The following OCA2 variants were observed in gnomAD, a reference collection of about 807,000 sequenced individuals.
The protein encoded by OCA2 is P protein.
A neutral mutation model predicts 100.2 loss-of-function variants in OCA2; 77 were observed. That is an observed-to-expected ratio of 0.77 (90% CI 0.64 to 0.93). OCA2 has a LOEUF of 0.93. OCA2 is among the 40% of genes least tolerant of loss of function. The pLI, the probability that OCA2 is intolerant of heterozygous loss-of-function variation, is 0.00. For missense variants in OCA2, 1,062 were observed against 1,089.1 expected (o/e 0.98, Z 0.35); for synonymous variants, 432 against 439.2 (o/e 0.98, Z 0.21).
intron 2 of OCA2, among the ~76,000 whole-genome samples, chr15:28,062,514 G>C (rs930192857): frequency 6.6e-6 from 1 of 152,138 alleles, no homozygotes; most frequent in Non-Finnish European, 1.5e-5. Context: ...TCTGTTGCTT[G>C]TCTTTCCACT....
the OCA2 span, among the ~76,000 whole-genome samples, chr15:27,722,223 T>C: frequency 6.6e-6 from 1 of 152,262 alleles, no homozygotes; most frequent in Admixed American, 6.5e-5. Flanking sequence ...TCGTGTATTC[T>C]ATTTTTCTGT....
chr15:27,932,396 A>T (rs2039284485), intron 18 of OCA2, among the ~76,000 whole-genome samples: 1 of 151,744 alleles, frequency 6.6e-6, no homozygotes, highest in South Asian at 2.1e-4. Context: ...GTAATGCGCC[A>T]CCTGAGGAAT....
At chr15:28,008,730 G>C (rs542462261) in intron 9 of OCA2, among the ~76,000 whole-genome samples, 2 of 152,090 alleles carry the variant, frequency 1.3e-5, no homozygotes, top group South Asian at 4.1e-4. Context: ...ATTTCTTTTC[G>C]GCACCAAAAA....
rs2030703130 is a variant in OCA2, at chr15:27,759,999, A to T, written c.2433-4527T>A. On this transcript the variant is annotated intron_variant, in intron 23 of 23. Transcript: ENST00000354638. ...GTTTAAAAGAATTAAAATTATACAG[A>T]GGGTTTTTTTTCTTACCATAAGCAA... Among the ~76,000 whole-genome samples, 3 of 152,126 alleles carry T rather than the reference A, an allele frequency of 2.0e-5. 1 individual carries two copies. The South Asian group carries it at 6.2e-4, about 31-fold the overall frequency.
intron 23 of OCA2, among the ~76,000 whole-genome samples, chr15:27,811,127 T>C (rs2034058816): frequency 6.6e-6 from 1 of 152,110 alleles, no homozygotes; most frequent in African/African-American, 2.4e-5. Context: ...CCTAAGTGCC[T>C]ACTGACCACT....
At chr15:27,843,910 A>G (rs1448864972) in intron 23 of OCA2, among the ~76,000 whole-genome samples, 1 of 152,144 alleles carries the variant, frequency 6.6e-6, no homozygotes, top group African/African-American at 2.4e-5. Context: ...CTGCCACTCA[A>G]CCAAAGTTGA....
chr15:28,094,675 T>C (rs900483063), intron 1 of OCA2, among the ~76,000 whole-genome samples: 2 of 152,216 alleles, frequency 1.3e-5, no homozygotes, highest in African/African-American at 4.8e-5. Flanking sequence ...CTGCGCTCTT[T>C]CTGCCTGCAA....
chr15:28,003,340 G>A (rs749642404), intron 9 of OCA2, among the ~76,000 whole-genome samples: 24 of 152,204 alleles, frequency 1.6e-4, no homozygotes, highest in Non-Finnish European at 2.9e-4. Context: ...AGCTGCTTTC[G>A]CGTGACTGTA....
At position 28,014,902 on chromosome 15, in the gene OCA2, G is replaced by A. The variant is rs1359338165; in HGVS notation, c.918C>T (p.Ala306=). ...GGACAGCCTGGGTCTGCTGCAGGGA[G>A]GCCCGGATGCTGATGGACACCGTCT... ...TRETVSISIR[A]SLQQTQAVPL... is the part of the protein sequence containing the mutation. The change falls in exon 9 of 24, where the codon GCC becomes GCT. Residue 306 remains alanine, a synonymous_variant. Transcript: ENST00000354638. 1 of 1,614,166 alleles carries A rather than the reference G, an allele frequency of 6.2e-7. No homozygotes were observed. The highest frequency in any genetic ancestry group is 1.7e-5 in the Admixed American group (1 of 60,024).
chr15:27,802,896 A>G (rs1041817926), intron 23 of OCA2, among the ~76,000 whole-genome samples: 1 of 152,176 alleles, frequency 6.6e-6, no homozygotes, highest in African/African-American at 2.4e-5. Context: ...TACATGAAAA[A>G]CAAGTGGATT....
chr15:27,981,327 G>A (rs776384836), intron 14 of OCA2, among the ~76,000 whole-genome samples: 10 of 152,102 alleles, frequency 6.6e-5, no homozygotes, highest in African/African-American at 9.7e-5. Context: ...TTGTATCATC[G>A]CTGTCATAGG....
intron 2 of OCA2, among the ~76,000 whole-genome samples, chr15:28,049,416 G>T (rs2043441235): frequency 6.6e-6 from 1 of 152,104 alleles, no homozygotes; most frequent in South Asian, 2.1e-4. Context: ...AGTTTTGCAG[G>T]TTCTCACAAA....
At chr15:27,889,498 C>T (rs767356485) in intron 19 of OCA2, among the ~76,000 whole-genome samples, 1 of 152,154 alleles carries the variant, frequency 6.6e-6, no homozygotes, top group Non-Finnish European at 1.5e-5. Flanking sequence ...GGCAGCCGGG[C>T]AGGTGCTGAC....
intron 2 of OCA2, among the ~76,000 whole-genome samples, chr15:28,076,234 C>G (rs2044422287): frequency 6.6e-6 from 1 of 152,202 alleles, no homozygotes; most frequent in African/African-American, 2.4e-5. Flanking sequence ...TGTGTTCTCC[C>G]TTCGACCTCC....
chr15:27,831,661 G>T, intron 23 of OCA2, among the ~76,000 whole-genome samples: 1 of 152,192 alleles, frequency 6.6e-6, no homozygotes, highest in East Asian at 1.9e-4. Flanking sequence ...GCGTGTCTGG[G>T]TCTGTCTCCG....
At chr15:27,771,087 T>A in intron 23 of OCA2, among the ~76,000 whole-genome samples, 1 of 76,876 alleles carries the variant, frequency 1.3e-5, no homozygotes, top group South Asian at 3.3e-4. Flanking sequence ...TCCCTCCCTC[T>A]TTTCTCCCTC....
At position 27,950,999 on chromosome 15, in the gene OCA2, C is replaced by T. The variant is rs76930569; in HGVS notation, c.1951+785G>A. On this transcript the variant is annotated intron_variant, in intron 18 of 23. Coordinates refer to ENST00000354638, the MANE Select transcript of OCA2 (RefSeq NM_000275.3). ...ACTGTGACACCACCTCAAATTTATG[C>T]TTCTTATAAACCTACACTTTCATGT... 0.021 allele frequency among the ~76,000 whole-genome samples: 3,165 copies of T among 152,280 alleles called. 886 individuals are homozygous for T. The East Asian group carries it at 0.58, about 28-fold the overall frequency.
chr15:27,944,523 A>G (rs2039764893), intron 18 of OCA2, among the ~76,000 whole-genome samples: 1 of 152,196 alleles, frequency 6.6e-6, no homozygotes, highest in Non-Finnish European at 1.5e-5. Context: ...ACTCCTGCAG[A>G]TAACATCGCT....
At chr15:28,071,518 T>C (rs1184037160) in intron 2 of OCA2, among the ~76,000 whole-genome samples, 1 of 152,082 alleles carries the variant, frequency 6.6e-6, no homozygotes, top group Non-Finnish European at 1.5e-5. Context: ...AACTTCAAAC[T>C]ACACAATAGA....
Sources: allele counts gnomAD v4.1 joint callset (sites outside exome capture counted in the v4.1 genomes callset), GRCh38; gene constraint gnomAD v4.1.1; transcripts MANE v1.5; gene names NCBI Gene and HGNC (gene_info 2026-07-23, HGNC 2026-07-21).